PDE1A: variants seen among roughly 807,000 people sequenced by gnomAD.
The protein encoded by PDE1A is phosphodiesterase 1A, also known as dual specificity calcium/calmodulin-dependent 3',5'-cyclic nucleotide phosphodiesterase 1A.
In PDE1A, 35 loss-of-function variants were observed where a neutral mutation model predicts 61.7. That is an observed-to-expected ratio of 0.57 (90% CI 0.43 to 0.75). PDE1A has a LOEUF of 0.75. Among genes scored for constraint, PDE1A ranks in the 30% least tolerant of loss-of-function variants. The probability of loss-of-function intolerance (pLI) is 0.00; values close to 1 mark genes in which losing one functional copy is unlikely to be tolerated. For synonymous variants in PDE1A, 232 were observed against 213.2 expected (o/e 1.09, Z -0.77); for missense variants, 597 against 630.6 (o/e 0.95, Z 0.57).
chr2:182,708,355 G>A, the PDE1A span, among the ~76,000 whole-genome samples: 1 of 152,066 alleles, frequency 6.6e-6, no homozygotes, highest in South Asian at 2.1e-4. Flanking sequence ...ATGTTATTAT[G>A]AAAAAATTAT....
At chr2:182,600,849 C>A in the PDE1A span, among the ~76,000 whole-genome samples, 185 of 152,294 alleles carry the variant, frequency 1.2e-3, 2 homozygotes, top group African/African-American at 4.3e-3. Flanking sequence ...TGGGCTGGGC[C>A]TTCAGTCTTT....
chr2:182,226,505 C>T (rs1214224429), intron 6 of PDE1A, among the ~76,000 whole-genome samples: 2 of 149,760 alleles, frequency 1.3e-5, no homozygotes, highest in Admixed American at 6.6e-5. Flanking sequence ...TTTGCATTAG[C>T]AAAAGTAGAA....
chr2:182,359,744 AG>A (rs1699392963), intron 1 of PDE1A, among the ~76,000 whole-genome samples: 2 of 152,098 alleles, frequency 1.3e-5, no homozygotes, highest in Admixed American at 1.3e-4. Flanking sequence ...AACAGGGAAA[AG>A]GTTACAGAAG....
intron 1 of PDE1A, among the ~76,000 whole-genome samples, chr2:182,400,469 T>C (rs1701941955): frequency 2.0e-5 from 3 of 152,184 alleles, no homozygotes; most frequent in Non-Finnish European, 2.9e-5. Context: ...GAAAGAGCTT[T>C]CAGAACACAT....
intron 13 of PDE1A, among the ~76,000 whole-genome samples, chr2:182,170,353 C>T (rs1692085139): frequency 6.6e-6 from 1 of 151,934 alleles, no homozygotes; most frequent in Non-Finnish European, 1.5e-5. Flanking sequence ...AAATTCATAA[C>T]TTTCAACATT....
chr2:182,512,916 C>A (rs11678804), intron 2 of PDE1A, among the ~76,000 whole-genome samples: 1 of 151,880 alleles, frequency 6.6e-6, no homozygotes, highest in Non-Finnish European at 1.5e-5. Flanking sequence ...AAAACAATTT[C>A]AAAATGAACA....
chr2:182,169,836 G>A (rs1691973059), intron 13 of PDE1A, among the ~76,000 whole-genome samples: 1 of 151,308 alleles, frequency 6.6e-6, no homozygotes, highest in Admixed American at 6.6e-5. Context: ...ATGCAGGCAT[G>A]CTCCCTCTAC....
chr2:182,448,898 AC>A (rs1685313683), intron 2 of PDE1A, among the ~76,000 whole-genome samples: 1 of 152,040 alleles, frequency 6.6e-6, no homozygotes, highest in Non-Finnish European at 1.5e-5. Context: ...GGAAACTGAG[AC>A]CACAAGACAT....
At chr2:182,501,764 C>T (rs1689095589) in intron 2 of PDE1A, among the ~76,000 whole-genome samples, 1 of 152,172 alleles carries the variant, frequency 6.6e-6, no homozygotes, top group Non-Finnish European at 1.5e-5. Context: ...CATACTTCCT[C>T]CCATGTCCTC....
the PDE1A span, among the ~76,000 whole-genome samples, chr2:182,595,506 T>A: frequency 6.6e-6 from 1 of 152,140 alleles, no homozygotes; most frequent in Non-Finnish European, 1.5e-5. Context: ...AACAGGAAAA[T>A]AAATAGGTCA....
At chr2:182,555,675 G>T in the PDE1A span, among the ~76,000 whole-genome samples, 38 of 152,134 alleles carry the variant, frequency 2.5e-4, no homozygotes, top group African/African-American at 7.7e-4. Context: ...CTTTAAGAAT[G>T]TCATTGTTGG....
chr2:182,458,194 C>T (rs1291097262), intron 2 of PDE1A, among the ~76,000 whole-genome samples: 1 of 151,986 alleles, frequency 6.6e-6, no homozygotes, highest in Non-Finnish European at 1.5e-5. Flanking sequence ...AAACTAAGAT[C>T]ATCAATCAAA....
chr2:182,297,339 G>T (rs1574283306), intron 1 of PDE1A, among the ~76,000 whole-genome samples: 1 of 151,472 alleles, frequency 6.6e-6, no homozygotes, highest in African/African-American at 2.4e-5. Context: ...CCACCCATTT[G>T]CTTATTAAAC....
intron 1 of PDE1A, among the ~76,000 whole-genome samples, chr2:182,297,931 C>T (rs1408675381): frequency 1.3e-5 from 2 of 152,162 alleles, no homozygotes; most frequent in African/African-American, 4.8e-5. Flanking sequence ...CTATTACTTC[C>T]CCCTTCCTTA....
chr2:182,666,958 G>C, the PDE1A span, among the ~76,000 whole-genome samples: 1 of 152,186 alleles, frequency 6.6e-6, no homozygotes, highest in South Asian at 2.1e-4. Flanking sequence ...AGTCCTGCTA[G>C]TAAGTCACCC....
the PDE1A span, among the ~76,000 whole-genome samples, chr2:182,602,184 C>A: frequency 2.0e-5 from 3 of 152,234 alleles, no homozygotes; most frequent in Non-Finnish European, 2.9e-5. Context: ...GGGGGCCTTC[C>A]CGGGCCCCCA....
the PDE1A span, among the ~76,000 whole-genome samples, chr2:182,693,771 G>A: frequency 1.1e-4 from 16 of 151,252 alleles, no homozygotes; most frequent in Middle Eastern, 3.4e-3. Flanking sequence ...CTCAGCCTCC[G>A]GAGCAGCTGG....
chr2:182,291,684 A>G (rs1180204623), intron 1 of PDE1A, among the ~76,000 whole-genome samples: 1 of 152,154 alleles, frequency 6.6e-6, no homozygotes, highest in Non-Finnish European at 1.5e-5. Context: ...GAATGAGTGG[A>G]AAATAGGGAC....
At chr2:182,400,726 G>A (rs2125445541) in intron 1 of PDE1A, among the ~76,000 whole-genome samples, 1 of 152,284 alleles carries the variant, frequency 6.6e-6, no homozygotes, top group South Asian at 2.1e-4. Context: ...AGGAGAGACT[G>A]GGAAAAATAT....
Sources: gnomAD v4.1 joint callset for allele counts (sites outside exome capture counted in the v4.1 genomes callset) on GRCh38, gnomAD v4.1.1 for gene constraint, MANE v1.5 for transcripts, NCBI Gene and HGNC (gene_info 2026-07-23, HGNC 2026-07-21) for gene names.